The following PPP6C variants were observed in gnomAD, a reference collection of about 807,000 sequenced individuals.
The protein encoded by PPP6C is serine/threonine-protein phosphatase 6 catalytic subunit.
Under a neutral mutation model 39.8 loss-of-function variants are expected in PPP6C, and 11 were observed. The ratio of observed to expected loss-of-function variants is 0.28; its 90% CI spans 0.17 to 0.46. The LOEUF (loss-of-function observed/expected upper bound fraction) is 0.46. Ranked by LOEUF, PPP6C falls within the 20% of genes least tolerant of loss-of-function variation. The pLI is 1.00. For synonymous variants in PPP6C, 129 were observed against 130.3 expected (o/e 0.99, Z 0.07); for missense variants, 211 against 373.9 (o/e 0.56, Z 3.59).
rs1390103069 is a variant in PPP6C, at chr9:125,148,781, T to C, written c.*892A>G. Reference sequence around the variant, plus strand: ...GCATTACAAGTATTAAATGTTTTTCTATTACTATAGAGGATATAAACCAAA... The same window carrying C: ...GCATTACAAGTATTAAATGTTTTTCCATTACTATAGAGGATATAAACCAAA... On this transcript the variant is annotated 3_prime_UTR_variant, in exon 7 of 7. Transcript: ENST00000373547. The C allele has an allele frequency of 2.0e-5, 3 of 152,224 alleles. No individual in the cohort carries two copies. The highest frequency in any genetic ancestry group is 4.1e-4 in the South Asian group (2 of 4,834). 9.4% of individuals were successfully genotyped at this position (152,224 alleles called of 1,614,324 possible).
At chr9:125,157,134 C>G (rs533119014) in intron 4 of PPP6C, among the ~76,000 whole-genome samples, 4 of 134,626 alleles carry the variant, frequency 3.0e-5, no homozygotes, top group Non-Finnish European at 4.8e-5. Flanking sequence ...CCCCCCTCCC[C>G]CTACCAGTGC....
chr9:125,148,437 C>A lies in PPP6C; in HGVS notation c.*1236G>T, dbSNP rs1363586677. On this transcript the variant is annotated 3_prime_UTR_variant, in exon 7 of 7. Coordinates refer to ENST00000373547, the MANE Select transcript of PPP6C (RefSeq NM_002721.5). ...GCATATTCAGAACTGATCATCACAA[C>A]CCTTTGGATATTCAAATTACTTACA... The A allele has an allele frequency of 6.6e-6, 1 of 152,160 alleles. No individual in the cohort carries two copies. The highest frequency in any genetic ancestry group is 1.5e-5 in the Non-Finnish European group (1 of 68,010). 9.4% of individuals were successfully genotyped at this position (152,160 alleles called of 1,614,324 possible). A position where few individuals can be genotyped will look rare whatever the true frequency, so the allele number is the denominator to read the frequency against.
intron 3 of PPP6C, among the ~76,000 whole-genome samples, chr9:125,159,326 G>C (rs1196090078): frequency 6.6e-6 from 1 of 151,416 alleles, no homozygotes; most frequent in African/African-American, 2.4e-5. Context: ...TGGGATTACA[G>C]GCGTGAGCCA....
rs375315207 is a variant in PPP6C at position 125,150,556 on chromosome 9, A to C, written c.670-635T>G. The C allele has an allele frequency of 1.5e-5, 8 of 545,908 alleles. No individual in the cohort carries two copies. The East Asian group carries it at 2.6e-4, about 18-fold the overall frequency. The allele number at this position is 545,908 out of a possible 1,614,324, so 33.8% of individuals were successfully genotyped here. A position where few individuals can be genotyped will look rare whatever the true frequency, so the allele number is the denominator to read the frequency against. On this transcript the variant is annotated intron_variant, in intron 6 of 6. Coordinates refer to ENST00000373547, the MANE Select transcript of PPP6C (RefSeq NM_002721.5). Reference sequence around the variant, plus strand: ...AAGATGGCGGAGTAGCATCGCAAAGAGATTAGTATTGAGTCTCTGGGCCGA... The same window carrying C: ...AAGATGGCGGAGTAGCATCGCAAAGCGATTAGTATTGAGTCTCTGGGCCGA...
chr9:125,181,967 G>A (rs760265575), intron 1 of PPP6C, among the ~76,000 whole-genome samples: 1 of 152,178 alleles, frequency 6.6e-6, no homozygotes, highest in Non-Finnish European at 1.5e-5. Flanking sequence ...AGCACCTGTT[G>A]TTTCCTAACT....
intron 2 of PPP6C, among the ~76,000 whole-genome samples, chr9:125,166,653 T>A (rs975536467): frequency 6.6e-6 from 1 of 151,160 alleles, no homozygotes; most frequent in African/African-American, 2.4e-5. Context: ...CCTGCCTTAG[T>A]CCCTGAGTAG....
At position 125,149,595 on chromosome 9, in the gene PPP6C, G is replaced by A; in HGVS notation, c.*78C>T. The A allele has an allele frequency of 6.8e-7, 1 of 1,462,406 alleles. No individual in the cohort carries two copies. The highest frequency in any genetic ancestry group is 9.2e-7 in the Non-Finnish European group (1 of 1,084,272). 90.6% of individuals were successfully genotyped at this position (1,462,406 alleles called of 1,614,324 possible). A position where few individuals can be genotyped will look rare whatever the true frequency, so the allele number is the denominator to read the frequency against. ...TCAGCAGCAAAGTGCTCAATAAAAA[G>A]TATATTGTAGAGGGTAATACAAGAA... On this transcript the variant is annotated 3_prime_UTR_variant, in exon 7 of 7. Coordinates refer to ENST00000373547, the MANE Select transcript of PPP6C (RefSeq NM_002721.5).
At chr9:125,165,037 G>A (rs7851132) in intron 2 of PPP6C, among the ~76,000 whole-genome samples, 62,444 of 151,862 alleles carry the variant, frequency 0.41, 15,603 homozygotes, top group Middle Eastern at 0.54. Flanking sequence ...GCGCCCGGCT[G>A]GGAAGTGGAA....
rs1174656252 is a variant in PPP6C at position 125,149,904 on chromosome 9, G to A, written c.687C>T (p.Asn229=). 1 of 1,613,872 alleles carries A rather than the reference G, an allele frequency of 6.2e-7. No homozygotes were observed. The highest frequency in any genetic ancestry group is 2.2e-5 in the East Asian group (1 of 44,888). Residue 229 remains asparagine (N), a synonymous_variant, in exon 7 of 7, where the codon AAC becomes AAT. Coordinates refer to ENST00000373547, the MANE Select transcript of PPP6C (RefSeq NM_002721.5). The stretch of plus-strand genomic sequence containing the variant: ...GATGTGCTCTGCAGATGAGTTTTAA[G>A]TTGTTGATATGAACAAACTGCAATT... ...KVTNEFVHIN[N]LKLICRAHQL... is the part of the protein sequence containing the mutation.
At chr9:125,179,042 CCATCTCTACTAAAAAATA>C (rs1257705876) in intron 1 of PPP6C, among the ~76,000 whole-genome samples, 22 of 152,162 alleles carry the variant, frequency 1.4e-4, no homozygotes, top group Middle Eastern at 3.4e-3. Flanking sequence ...CAGAGAAACC[CCATCTCTACTAAAAAATA>C]CAAAATTAGC....
Position 125,173,159 on chromosome 9 carries a change from T to A in PPP6C, c.76-1979A>T, listed in dbSNP as rs367612743. Among the ~76,000 whole-genome samples the A allele has an allele frequency of 1.2e-4, 19 of 152,040 alleles. 1 individual carries two copies. The East Asian group carries it at 2.1e-3, about 17-fold the overall frequency. ...TGGGCATGGTGAATCACGCCTGTAATCCCAGAACTTTGGGAGGCTGAGGTG... is the reference window on the plus strand; with the variant it reads ...TGGGCATGGTGAATCACGCCTGTAAACCCAGAACTTTGGGAGGCTGAGGTG... On this transcript the variant is annotated intron_variant, in intron 1 of 6. Transcript: ENST00000373547.
At chr9:125,189,031 T>A (rs1181825423) in intron 1 of PPP6C, 1 of 1,048,434 alleles carries the variant, frequency 9.5e-7, no homozygotes, top group African/African-American at 1.6e-5. Context: ...CTCAACAACA[T>A]ACTCAGAAAC....
At chr9:125,161,036 G>T (rs1828863149) in intron 2 of PPP6C, 130 bp from the exon 3 acceptor site, 3 of 532,532 alleles carry the variant, frequency 5.6e-6, no homozygotes, top group Non-Finnish European at 9.3e-6. Context: ...GAAATAAAGT[G>T]TAAGCCAAAC....
intron 3 of PPP6C, 123 bp from the exon 4 acceptor site, chr9:125,158,505 G>A (rs1419920104): frequency 2.0e-6 from 2 of 989,318 alleles, no homozygotes; most frequent in Non-Finnish European, 2.7e-6. Flanking sequence ...TGAATTATTT[G>A]GAAATTTGAT....
At chr9:125,188,643 G>C (rs1829584470) in intron 1 of PPP6C, among the ~76,000 whole-genome samples, 1 of 151,848 alleles carries the variant, frequency 6.6e-6, no homozygotes, top group Non-Finnish European at 1.5e-5. Context: ...AAACAGCCGG[G>C]CGTCGTGACG....
At chr9:125,182,642 A>G (rs1829441846) in intron 1 of PPP6C, among the ~76,000 whole-genome samples, 1 of 151,632 alleles carries the variant, frequency 6.6e-6, no homozygotes, top group Admixed American at 6.6e-5. Context: ...TAGTATCTGT[A>G]TCCTCAGGCC....
chr9:125,187,633 T>A (rs1303501675), intron 1 of PPP6C, among the ~76,000 whole-genome samples: 2 of 151,894 alleles, frequency 1.3e-5, no homozygotes, highest in East Asian at 3.9e-4. Flanking sequence ...CAAAAAAGCT[T>A]TATGCATGAT....
intron 6 of PPP6C, chr9:125,151,202 T>C: frequency 1.3e-6 from 2 of 1,501,750 alleles, no homozygotes; most frequent in Middle Eastern, 1.7e-4. Flanking sequence ...AGGCTGAATG[T>C]GGACTTTGCC....
At chr9:125,151,879 T>C (rs965226825) in intron 6 of PPP6C, among the ~76,000 whole-genome samples, 1 of 152,196 alleles carries the variant, frequency 6.6e-6, no homozygotes, top group Non-Finnish European at 1.5e-5. Context: ...GAGGATGTTG[T>C]GTGGGGGTGT....
Sources: allele counts gnomAD v4.1 joint callset (sites outside exome capture counted in the v4.1 genomes callset), GRCh38; gene constraint gnomAD v4.1.1; transcripts MANE v1.5; gene names NCBI Gene and HGNC (gene_info 2026-07-23, HGNC 2026-07-21).